TAFA2: variants seen among roughly 807,000 people sequenced by gnomAD.
TAFA2 encodes chemokine-like protein TAFA-2.
Under a neutral mutation model 18.8 loss-of-function variants are expected in TAFA2, and 7 were observed. The observed-to-expected ratio is 0.37, with a 90% CI of 0.21 to 0.70. The LOEUF (loss-of-function observed/expected upper bound fraction) is 0.70, where lower values mean the gene tolerates loss of function less well. Among genes scored for constraint, TAFA2 ranks in the 30% least tolerant of loss-of-function variants. The pLI, the probability that TAFA2 is intolerant of heterozygous loss-of-function variation, is 0.53. For missense variants in TAFA2, 122 were observed against 158.1 expected (o/e 0.77, Z 1.23); for synonymous variants, 60 against 54.2 (o/e 1.11, Z -0.47).
chr12:62,102,622 AGT>A (rs1486955334), intron 1 of TAFA2, among the ~76,000 whole-genome samples: 2 of 152,312 alleles, frequency 1.3e-5, no homozygotes, highest in East Asian at 3.9e-4. Context: ...CCTAAACAGC[AGT>A]GTCAGAAGTG....
At chr12:61,813,139 A>G (rs540958160) in intron 2 of TAFA2, among the ~76,000 whole-genome samples, 1 of 151,434 alleles carries the variant, frequency 6.6e-6, no homozygotes, top group South Asian at 2.1e-4. Flanking sequence ...AGAAAATTAG[A>G]TTGTATTTAT....
intron 1 of TAFA2, among the ~76,000 whole-genome samples, chr12:61,934,204 C>T (rs1289264979): frequency 6.6e-6 from 1 of 152,162 alleles, no homozygotes; most frequent in African/African-American, 2.4e-5. Context: ...ACAAGACTGT[C>T]AGATAAATAC....
At chr12:62,031,844 T>A (rs1030721063) in intron 1 of TAFA2, among the ~76,000 whole-genome samples, 1 of 152,156 alleles carries the variant, frequency 6.6e-6, no homozygotes, top group African/African-American at 2.4e-5. Flanking sequence ...CCTACTTTAT[T>A]GTTAGTCTTA....
At chr12:62,021,982 C>A in intron 1 of TAFA2, 1 of 682,526 alleles carries the variant, frequency 1.5e-6, no homozygotes, top group South Asian at 1.4e-5. Flanking sequence ...GAGCTTGTAA[C>A]GCAGAGACTC....
At chr12:61,861,227 C>T (rs1874112640) in intron 2 of TAFA2, among the ~76,000 whole-genome samples, 2 of 148,608 alleles carry the variant, frequency 1.3e-5, no homozygotes, top group Admixed American at 6.7e-5. Flanking sequence ...GCTGGGATTA[C>T]AGGCATAGGC....
intron 2 of TAFA2, among the ~76,000 whole-genome samples, chr12:61,833,983 C>A (rs531840361): frequency 6.6e-6 from 1 of 151,980 alleles, no homozygotes; most frequent in Non-Finnish European, 1.5e-5. Flanking sequence ...ATGGTTCAAG[C>A]CAAGGTTGGT....
intron 1 of TAFA2, among the ~76,000 whole-genome samples, chr12:62,089,552 TAAAG>T (rs942847833): frequency 3.5e-4 from 53 of 151,836 alleles, no homozygotes; most frequent in African/African-American, 1.2e-3. Context: ...AGCTCTAACA[TAAAG>T]AAAGAGTGAG....
intron 1 of TAFA2, among the ~76,000 whole-genome samples, chr12:62,075,779 T>G (rs1868247080): frequency 6.6e-6 from 1 of 152,246 alleles, no homozygotes; most frequent in African/African-American, 2.4e-5. Flanking sequence ...CACTAAGTTA[T>G]TTAAGAATAC....
At position 62,001,839 on chromosome 12, in the gene TAFA2, T is replaced by C. The variant is rs1468665009; in HGVS notation, c.-1-134413A>G. ...TAACTACAGCTAATTAAAAACTATG[T>C]AAACATACAGATGAAAATAAGATAT... On this transcript the variant is annotated intron_variant, in intron 1 of 4. Transcript: ENST00000416284. Among the ~76,000 whole-genome samples the C allele has an allele frequency of 2.6e-5, 4 of 152,156 alleles. No homozygotes were observed. In the East Asian group the frequency reaches 7.7e-4, roughly 29 times the overall value.
chr12:61,980,292 T>C (rs566324755), intron 1 of TAFA2, among the ~76,000 whole-genome samples: 54 of 152,096 alleles, frequency 3.6e-4, no homozygotes, highest in Non-Finnish European at 6.6e-4. Flanking sequence ...TAGGTATTGA[T>C]AGAATGAATG....
intron 2 of TAFA2, among the ~76,000 whole-genome samples, chr12:61,842,532 G>A (rs574951605): frequency 5.6e-4 from 85 of 152,078 alleles, no homozygotes; most frequent in African/African-American, 2.0e-3. Flanking sequence ...AGGTTTGTGA[G>A]TTTTTATAAT....
chr12:61,887,704 G>C (rs559279552), intron 1 of TAFA2, among the ~76,000 whole-genome samples: 32 of 149,820 alleles, frequency 2.1e-4, no homozygotes, highest in African/African-American at 7.1e-4. Flanking sequence ...TTGTTCTTGC[G>C]ATAGTTTACT....
chr12:62,073,554 G>A (rs139416470), intron 1 of TAFA2, among the ~76,000 whole-genome samples: 8,359 of 151,626 alleles, frequency 0.055, 349 homozygotes, highest in Non-Finnish European at 0.085. Context: ...ATAGGTAGGT[G>A]TTATTATCTT....
chr12:62,036,456 C>T (rs1005538338), intron 1 of TAFA2, among the ~76,000 whole-genome samples: 26 of 152,076 alleles, frequency 1.7e-4, no homozygotes, highest in Non-Finnish European at 1.2e-4. Context: ...TGAATTACCT[C>T]GACAGAAGTG....
At chr12:61,935,526 A>C (rs1877726108) in intron 1 of TAFA2, among the ~76,000 whole-genome samples, 1 of 152,216 alleles carries the variant, frequency 6.6e-6, no homozygotes, top group Admixed American at 6.5e-5. Flanking sequence ...TTCTTGGTAC[A>C]GTATATACTT....
chr12:62,021,868 C>T, intron 1 of TAFA2: 1 of 771,068 alleles, frequency 1.3e-6, no homozygotes, highest in East Asian at 2.5e-5. Context: ...AGTCCTCCGT[C>T]CTCGGAGTTT....
intron 2 of TAFA2, among the ~76,000 whole-genome samples, chr12:61,757,676 A>G (rs1474906230): frequency 6.6e-6 from 1 of 152,064 alleles, no homozygotes; most frequent in African/African-American, 2.4e-5. Context: ...GACAGCAAGA[A>G]GACCGATAAG....
At chr12:62,234,324 C>A in intron 1 of TAFA2, 1 of 494,424 alleles carries the variant, frequency 2.0e-6, no homozygotes, top group Admixed American at 2.8e-5. Context: ...TTGAAGACTG[C>A]CTCTCCTCTG....
chr12:61,912,618 G>A (rs1876655995), intron 1 of TAFA2, among the ~76,000 whole-genome samples: 1 of 152,078 alleles, frequency 6.6e-6, no homozygotes, highest in South Asian at 2.1e-4. Context: ...CAAATGCCCA[G>A]ACATTGTTGC....
Sources: gnomAD v4.1 joint callset for allele counts (sites outside exome capture counted in the v4.1 genomes callset) on GRCh38, gnomAD v4.1.1 for gene constraint, MANE v1.5 for transcripts, NCBI Gene and HGNC (gene_info 2026-07-23, HGNC 2026-07-21) for gene names.